The following CEP63 variants were observed in gnomAD, a reference collection of about 807,000 sequenced individuals.
CEP63 encodes centrosomal protein of 63 kDa.
A neutral mutation model predicts 89.1 loss-of-function variants in CEP63; 84 were observed. That is an observed-to-expected ratio of 0.94 (90% CI 0.79 to 1.13). CEP63 has a LOEUF of 1.13. CEP63 is among the 50% of genes most tolerant of loss of function. The pLI is 0.00. For missense variants in CEP63, 838 were observed against 813.3 expected (o/e 1.03, Z -0.37); for synonymous variants, 267 against 272.5 (o/e 0.98, Z 0.20).
the CEP63 span, among the ~76,000 whole-genome samples, chr3:134,692,902 C>G: frequency 3.9e-5 from 6 of 152,222 alleles, no homozygotes; most frequent in Non-Finnish European, 8.8e-5. Context: ...CATTCCCGCT[C>G]TGCTTCTTTC....
At position 134,507,155 on chromosome 3, in the gene CEP63, C is replaced by G. The variant is rs1348575391; in HGVS notation, c.91C>G (p.Gln31Glu). Reference protein sequence around the residue: ...CEAELQELMKQIDIMVAHKKS... With the variant: ...CEAELQELMKEIDIMVAHKKS... ...AGCAGAACTACAGGAGCTCATGAAA[C>G]AGATTGACATAATGGTGGCTCATAA... The change falls in exon 3 of 15, where the codon CAG (glutamine) becomes GAG (glutamate). Residue 31 changes from glutamine (Q) to glutamate (E), a missense_variant. Physicochemically the swap from Gln to Glu is conservative, Grantham distance 29. Transcript: ENST00000675561. The G allele has an allele frequency of 1.9e-6, 3 of 1,613,228 alleles. No individual in the cohort carries two copies. Among genetic ancestry groups the G allele is most frequent in the South Asian group, 1.1e-5 (1 of 91,068 alleles).
At chr3:134,623,519 T>C in the CEP63 span, among the ~76,000 whole-genome samples, 12 of 151,958 alleles carry the variant, frequency 7.9e-5, no homozygotes, top group African/African-American at 2.9e-4. Flanking sequence ...ACCTCCTCCC[T>C]TCCTTTCCTG....
the CEP63 span, among the ~76,000 whole-genome samples, chr3:134,771,517 G>A: frequency 6.6e-6 from 1 of 152,182 alleles, no homozygotes; most frequent in Non-Finnish European, 1.5e-5. Context: ...TCAGGGTGGG[G>A]CCTGATAATT....
At chr3:134,523,985 T>G (rs1345033352) in intron 3 of CEP63, among the ~76,000 whole-genome samples, 3 of 152,212 alleles carry the variant, frequency 2.0e-5, no homozygotes, top group Admixed American at 6.5e-5. Flanking sequence ...TTGGGCAGTA[T>G]AGCCATTTTA....
the CEP63 span, chr3:134,610,609 C>T: frequency 1.8e-5 from 9 of 498,588 alleles, 1 homozygote; most frequent in South Asian, 2.7e-4. Flanking sequence ...AGACTGGCTG[C>T]AGTCTCCGCT....
chr3:134,752,763 C>A, the CEP63 span, among the ~76,000 whole-genome samples: 1 of 152,106 alleles, frequency 6.6e-6, no homozygotes, highest in Non-Finnish European at 1.5e-5. Flanking sequence ...TACATGAGGT[C>A]TCATTAATAC....
the CEP63 span, among the ~76,000 whole-genome samples, chr3:134,716,383 G>A: frequency 1.1e-4 from 17 of 152,300 alleles, no homozygotes; most frequent in African/African-American, 4.1e-4. Flanking sequence ...GGCTCTTTCT[G>A]ACATCATAGT....
At chr3:134,624,772 T>G in the CEP63 span, among the ~76,000 whole-genome samples, 1 of 151,834 alleles carries the variant, frequency 6.6e-6, no homozygotes, top group Non-Finnish European at 1.5e-5. Context: ...AGGTCAGGGC[T>G]GGCCAGAGGG....
At chr3:134,656,142 A>C in the CEP63 span, among the ~76,000 whole-genome samples, 2 of 152,152 alleles carry the variant, frequency 1.3e-5, no homozygotes, top group Non-Finnish European at 2.9e-5. Context: ...ATGAAATGAA[A>C]GAGTAAGGAC....
At position 134,531,841 on chromosome 3, in the gene CEP63, T is replaced by G. The variant is rs543166776; in HGVS notation, c.223-4T>G. Reference sequence around the variant, plus strand: ...GAAAAATACTACCACCTTTCTGCTTTTAGGTTGGAATGTTGCATCAGCAGG... The same window carrying G: ...GAAAAATACTACCACCTTTCTGCTTGTAGGTTGGAATGTTGCATCAGCAGG... On this transcript the variant is annotated splice_polypyrimidine_tract_variant and splice_region_variant and intron_variant, in intron 3 of 14. Transcript: ENST00000675561. 1 of 1,609,158 alleles carries G rather than the reference T, an allele frequency of 6.2e-7. No homozygotes were observed. Among genetic ancestry groups the G allele is most frequent in the East Asian group, 2.2e-5 (1 of 44,732 alleles).
At position 134,564,705 on chromosome 3, in the gene CEP63, A is replaced by G. The variant is rs758814489; in HGVS notation, c.*3170A>G. 2 of 985,378 alleles carry G rather than the reference A, an allele frequency of 2.0e-6. No homozygotes were observed. The highest frequency in any genetic ancestry group is 3.5e-5 in the African/African-American group (2 of 57,368). 61.0% of individuals were successfully genotyped at this position (985,378 alleles called of 1,614,324 possible). A position where few individuals can be genotyped will look rare whatever the true frequency, so the allele number is the denominator to read the frequency against. On this transcript the variant is annotated 3_prime_UTR_variant, in exon 15 of 15. Coordinates refer to ENST00000675561, the MANE Select transcript of CEP63 (RefSeq NM_001353108.3). Reference sequence around the variant, plus strand: ...CTTTGCAGTTTTAAGTACTGTACCTATGTGCATTGCTGTTACATTCAGGAG... The same window carrying G: ...CTTTGCAGTTTTAAGTACTGTACCTGTGTGCATTGCTGTTACATTCAGGAG...
At chr3:134,612,554 A>G in the CEP63 span, among the ~76,000 whole-genome samples, 1 of 152,186 alleles carries the variant, frequency 6.6e-6, no homozygotes, top group Non-Finnish European at 1.5e-5. Flanking sequence ...ACCAGAGGAA[A>G]GCAAGGCCAG....
chr3:134,760,259 C>A, the CEP63 span, among the ~76,000 whole-genome samples: 2 of 151,936 alleles, frequency 1.3e-5, no homozygotes, highest in African/African-American at 2.4e-5. Flanking sequence ...CGGGGTTTCA[C>A]TGTGTTAGCC....
chr3:134,557,158 C>T (rs986999810), intron 12 of CEP63, among the ~76,000 whole-genome samples: 1 of 151,952 alleles, frequency 6.6e-6, no homozygotes, highest in Non-Finnish European at 1.5e-5. Context: ...AATTACTGAC[C>T]ATGTTTTAAA....
downstream of CEP63, among the ~76,000 whole-genome samples, chr3:134,569,504 A>C (rs1442456372): frequency 6.6e-6 from 1 of 152,114 alleles, no homozygotes; most frequent in Admixed American, 6.5e-5. Context: ...CTCCAAAATG[A>C]TCTCTTTTGA....
the CEP63 span, among the ~76,000 whole-genome samples, chr3:134,682,101 G>A: frequency 6.6e-6 from 1 of 152,176 alleles, no homozygotes; most frequent in African/African-American, 2.4e-5. Context: ...GCCTCTGGGA[G>A]GGAGTTCTTT....
chr3:134,532,912 G>T lies in CEP63; in HGVS notation c.441+12G>T, dbSNP rs373317087. ...CTGCAAAAATAGAGGTATGTTCATAGTAATAATTTGTTCATAGTGATTGTC... is the reference window on the plus strand; with the variant it reads ...CTGCAAAAATAGAGGTATGTTCATATTAATAATTTGTTCATAGTGATTGTC... On this transcript the variant is annotated intron_variant, in intron 5 of 14. Coordinates refer to ENST00000675561, the MANE Select transcript of CEP63 (RefSeq NM_001353108.3). 2 of 1,612,872 alleles carry T rather than the reference G, an allele frequency of 1.2e-6. No homozygotes were observed. Among genetic ancestry groups the T allele is most frequent in the African/African-American group, 2.7e-5 (2 of 74,918 alleles).
chr3:134,532,785 T>C lies in CEP63; in HGVS notation c.326T>C (p.Ile109Thr). The C allele has an allele frequency of 6.2e-7, 1 of 1,600,728 alleles. No homozygotes were observed. The change falls in exon 5 of 15, where the codon ATA (isoleucine) becomes ACA (threonine). Residue 109 changes from isoleucine (I) to threonine (T), a missense_variant. Physicochemically the swap from Ile to Thr is moderately conservative, Grantham distance 89. Transcript: ENST00000675561. ...ELKKLHEELC[I>T]LKRSYEKLQK... ...AAATAACTGTTTCTACAGTTATGCATACTGAAGAGAAGCTATGAAAAGCTT... is the reference window on the plus strand; with the variant it reads ...AAATAACTGTTTCTACAGTTATGCACACTGAAGAGAAGCTATGAAAAGCTT...
chr3:134,510,000 A>T (rs1344250778), intron 3 of CEP63, among the ~76,000 whole-genome samples: 1 of 152,212 alleles, frequency 6.6e-6, no homozygotes, highest in Non-Finnish European at 1.5e-5. Flanking sequence ...TCAGGTTATT[A>T]AGAAAACAAA....
Sources: allele counts gnomAD v4.1 joint callset (sites outside exome capture counted in the v4.1 genomes callset), GRCh38; gene constraint gnomAD v4.1.1; transcripts MANE v1.5; gene names NCBI Gene and HGNC (gene_info 2026-07-23, HGNC 2026-07-21).